The following MACROD2 variants were observed in gnomAD, a reference collection of about 807,000 sequenced individuals.
The protein encoded by MACROD2 is ADP-ribose glycohydrolase MACROD2.
MACROD2 carries 36 observed loss-of-function variants against 70.4 expected under a neutral mutation model. The ratio of observed to expected loss-of-function variants is 0.51; its 90% CI spans 0.39 to 0.68. MACROD2 has a LOEUF of 0.68. MACROD2 is among the 30% of genes least tolerant of loss of function. The pLI, the probability that MACROD2 is intolerant of heterozygous loss-of-function variation, is 0.00. For synonymous variants in MACROD2, 172 were observed against 178.8 expected, an observed-to-expected ratio of 0.96 and a Z score of 0.30; for missense variants, 496 against 538.4, an observed-to-expected ratio of 0.92 and a Z score of 0.78.
intron 4 of MACROD2, among the ~76,000 whole-genome samples, chr20:14,610,004 G>A (rs961205227): frequency 3.3e-5 from 5 of 152,016 alleles, no homozygotes; most frequent in Admixed American, 3.3e-4. Context: ...ATACCGCAGG[G>A]TTTTACAACA....
intron 3 of MACROD2, among the ~76,000 whole-genome samples, chr20:14,305,260 C>A (rs974457907): frequency 6.6e-6 from 1 of 152,052 alleles, no homozygotes; most frequent in Non-Finnish European, 1.5e-5. Flanking sequence ...CCTTCTCCTG[C>A]CTTATTTTTC....
chr20:15,348,073 TATGTGATAGTGTTCTG>T (rs1288492464), intron 6 of MACROD2, among the ~76,000 whole-genome samples: 1 of 152,198 alleles, frequency 6.6e-6, no homozygotes, highest in Non-Finnish European at 1.5e-5. Flanking sequence ...TTGATGACAC[TATGTGATAGTGTTCTG>T]GCCAATTACA....
chr20:14,507,545 T>TAC (rs1173072199), intron 4 of MACROD2, among the ~76,000 whole-genome samples: 2 of 152,178 alleles, frequency 1.3e-5, no homozygotes, highest in East Asian at 3.9e-4. Context: ...TATATATATA[T>TAC]ACATATTTAC....
At chr20:14,467,334 C>T (rs549055614) in intron 3 of MACROD2, among the ~76,000 whole-genome samples, 1 of 152,216 alleles carries the variant, frequency 6.6e-6, no homozygotes, top group African/African-American at 2.4e-5. Context: ...ACCCTCCGAG[C>T]CAGTTGCGGG....
intron 2 of MACROD2, among the ~76,000 whole-genome samples, chr20:14,065,733 A>G (rs556584001): frequency 6.6e-6 from 1 of 152,370 alleles, no homozygotes; most frequent in African/African-American, 2.4e-5. Flanking sequence ...CCACAGAGCT[A>G]GTAAGCGACA....
rs112613975 is a variant in MACROD2, at chr20:15,862,560, G to GCACA, written c.646-170_646-167dup. Among the ~76,000 whole-genome samples the GCACA allele has an allele frequency of 3.0e-3, 455 of 149,514 alleles. 2 individuals carry two copies. The highest frequency in any genetic ancestry group is 5.7e-3 in the South Asian group (27 of 4,730). On this transcript the variant is annotated intron_variant, in intron 8 of 17. Transcript: ENST00000684519. ...TTATTTATATACAGAGTACACACAC[G>GCACA]CACACACACACACACACATTCTTAC...
intron 5 of MACROD2, among the ~76,000 whole-genome samples, chr20:14,931,212 G>A (rs1275155440): frequency 7.2e-5 from 11 of 152,082 alleles, no homozygotes; most frequent in South Asian, 2.1e-4. Flanking sequence ...CTCGGTAAGA[G>A]ACCCGGAGCC....
intron 4 of MACROD2, among the ~76,000 whole-genome samples, chr20:14,556,725 T>C (rs1979058069): frequency 6.6e-6 from 1 of 152,018 alleles, no homozygotes; most frequent in Non-Finnish European, 1.5e-5. Flanking sequence ...CAATATACTT[T>C]TGAAAAGATA....
At chr20:14,887,579 C>T (rs2210045) in intron 5 of MACROD2, among the ~76,000 whole-genome samples, 8 of 151,350 alleles carry the variant, frequency 5.3e-5, no homozygotes, top group African/African-American at 1.9e-4. Context: ...GTGGAGACGG[C>T]GTTTCACCAT....
intron 9 of MACROD2, among the ~76,000 whole-genome samples, chr20:15,877,645 T>C (rs761684): frequency 0.73 from 110,955 of 152,080 alleles, 41,784 homozygotes; most frequent in East Asian, 0.86. Context: ...CTACAAGAAG[T>C]CATGAGGATA....
At chr20:14,735,713 G>A (rs2071656171) in intron 5 of MACROD2, among the ~76,000 whole-genome samples, 1 of 152,060 alleles carries the variant, frequency 6.6e-6, no homozygotes, top group Non-Finnish European at 1.5e-5. Context: ...AGCTGGACAT[G>A]ATGGTGCATG....
At chr20:15,634,521 T>C (rs1169301131) in intron 8 of MACROD2, among the ~76,000 whole-genome samples, 3 of 152,216 alleles carry the variant, frequency 2.0e-5, no homozygotes. Context: ...CCATGTGGCC[T>C]AATTAGTGTC....
chr20:14,164,709 G>T (rs144749530), intron 3 of MACROD2, among the ~76,000 whole-genome samples: 100 of 152,242 alleles, frequency 6.6e-4, no homozygotes, highest in African/African-American at 2.3e-3. Flanking sequence ...CCGGGTGCCA[G>T]TGATGGTGGA....
At chr20:14,891,777 T>C (rs1309797869) in intron 5 of MACROD2, among the ~76,000 whole-genome samples, 15 of 152,106 alleles carry the variant, frequency 9.9e-5, no homozygotes, top group Non-Finnish European at 2.2e-4. Context: ...GAACCATATA[T>C]AGCAACAATA....
chr20:15,743,868 T>C (rs906472588), intron 8 of MACROD2, among the ~76,000 whole-genome samples: 2 of 152,192 alleles, frequency 1.3e-5, no homozygotes, highest in Non-Finnish European at 1.5e-5. Flanking sequence ...TTATAGAATA[T>C]CAACTTATAC....
At chr20:15,144,783 C>G (rs1238125703) in intron 5 of MACROD2, among the ~76,000 whole-genome samples, 1 of 152,136 alleles carries the variant, frequency 6.6e-6, no homozygotes, top group Admixed American at 6.5e-5. Flanking sequence ...AATGGACACC[C>G]CTGGAATCTG....
chr20:15,870,659 C>T (rs2064567426), intron 9 of MACROD2, among the ~76,000 whole-genome samples: 1 of 152,104 alleles, frequency 6.6e-6, no homozygotes, highest in African/African-American at 2.4e-5. Flanking sequence ...CAGATGCCAG[C>T]ACTTTGATAT....
At chr20:15,345,450 G>T (rs2078155694) in intron 6 of MACROD2, among the ~76,000 whole-genome samples, 1 of 152,142 alleles carries the variant, frequency 6.6e-6, no homozygotes. Flanking sequence ...CAGCATAATG[G>T]ATATTGGGCA....
At position 16,003,425 on chromosome 20, in the gene MACROD2, G is replaced by C. The variant is rs536379310; in HGVS notation, c.1153+16267G>C. Among the ~76,000 whole-genome samples, 6 of 152,204 alleles carry C rather than the reference G, an allele frequency of 3.9e-5. No individual in the cohort carries two copies. The East Asian group carries it at 9.7e-4, about 24-fold the overall frequency. ...TTATATATCCTAGAGACAAGACAGT[G>C]AAAACAATAGAAAGCAAATAAGCAG... On this transcript the variant is annotated intron_variant, in intron 15 of 17. Coordinates refer to ENST00000684519, the MANE Select transcript of MACROD2 (RefSeq NM_001351661.2).
Sources: allele counts gnomAD v4.1 joint callset (sites outside exome capture counted in the v4.1 genomes callset), GRCh38; gene constraint gnomAD v4.1.1; transcripts MANE v1.5; gene names NCBI Gene and HGNC (gene_info 2026-07-23, HGNC 2026-07-21).